Variants in CTNND2 observed in about 807,000 individuals in gnomAD.
The protein encoded by CTNND2 is catenin delta-2.
A neutral mutation model predicts 144.4 loss-of-function variants in CTNND2; 22 were observed. The observed-to-expected ratio is 0.15, with a 90% CI of 0.11 to 0.22. The LOEUF is 0.22. CTNND2 is among the 10% of genes least tolerant of loss of function. The pLI is 1.00. For missense variants in CTNND2, 1,353 were observed against 1,618.8 expected, an observed-to-expected ratio of 0.84 and a Z score of 2.82; for synonymous variants, 751 against 695.6, an observed-to-expected ratio of 1.08 and a Z score of -1.25.
intron 12 of CTNND2, among the ~76,000 whole-genome samples, chr5:11,158,785 T>G (rs1050053333): frequency 5.3e-5 from 8 of 152,192 alleles, no homozygotes; most frequent in African/African-American, 1.9e-4. Flanking sequence ...AAATATAGAT[T>G]ATTTGGCTAG....
intron 3 of CTNND2, among the ~76,000 whole-genome samples, chr5:11,521,319 C>T (rs990945985): frequency 1.3e-5 from 2 of 152,282 alleles, no homozygotes; most frequent in South Asian, 4.1e-4. Flanking sequence ...TCTAACTGAG[C>T]CTTCTTTATT....
At chr5:11,369,913 T>C (rs1757312619) in intron 7 of CTNND2, among the ~76,000 whole-genome samples, 1 of 152,042 alleles carries the variant, frequency 6.6e-6, no homozygotes, top group Non-Finnish European at 1.5e-5. Context: ...ACACGAAGGG[T>C]CCCTCCGGGA....
At chr5:11,892,170 C>A (rs868835883) in intron 1 of CTNND2, among the ~76,000 whole-genome samples, 2 of 152,154 alleles carry the variant, frequency 1.3e-5, no homozygotes, top group African/African-American at 4.8e-5. Context: ...CTTAGCTTGT[C>A]GATGATGGTG....
intron 2 of CTNND2, among the ~76,000 whole-genome samples, chr5:11,690,146 G>A (rs1442710914): frequency 6.6e-6 from 1 of 152,172 alleles, no homozygotes; most frequent in Non-Finnish European, 1.5e-5. Context: ...AAAGAAAATT[G>A]CACTGTGATG....
At chr5:11,885,639 C>CA (rs1356072777) in intron 1 of CTNND2, among the ~76,000 whole-genome samples, 1 of 152,080 alleles carries the variant, frequency 6.6e-6, no homozygotes, top group Non-Finnish European at 1.5e-5. Flanking sequence ...ATTCAACAAA[C>CA]AAACACTGGA....
rs1736002908 is a variant in CTNND2, at chr5:10,973,077, C to A, written c.*376G>T. ...TAAACAAAGCGTGAGAAGCCGTCCC[C>A]CACACAGTGTGTAAACTATTCTGTG... On this transcript the variant is annotated 3_prime_UTR_variant, in exon 22 of 22. Transcript: ENST00000304623. The surrounding 1 kb of genome is among the most constrained non-coding windows in gnomAD (Gnocchi z 5.6). 5.9e-6 allele frequency: 1 copy of A among 168,164 alleles called. No homozygotes were observed. The highest frequency in any genetic ancestry group is 1.3e-5 in the Non-Finnish European group (1 of 78,828). The allele number at this position is 168,164 out of a possible 1,614,324, so 10.4% of individuals were successfully genotyped here.
chr5:11,891,707 T>A (rs555906503), intron 1 of CTNND2, among the ~76,000 whole-genome samples: 1 of 152,302 alleles, frequency 6.6e-6, no homozygotes, highest in Admixed American at 6.5e-5. Context: ...TCTGCCAGCA[T>A]CTTCATTTTA....
intron 16 of CTNND2, among the ~76,000 whole-genome samples, chr5:11,036,577 A>C (rs1744095040): frequency 6.6e-6 from 1 of 152,066 alleles, no homozygotes; most frequent in Admixed American, 6.6e-5. Context: ...CCCACCACCA[A>C]GCCTGGCTAA....
chr5:11,247,233 C>T (rs1743095185), intron 9 of CTNND2, among the ~76,000 whole-genome samples: 1 of 152,286 alleles, frequency 6.6e-6, no homozygotes, highest in African/African-American at 2.4e-5. Context: ...GATGGTGGCT[C>T]AGCCCCAGCA....
intron 1 of CTNND2, among the ~76,000 whole-genome samples, chr5:11,894,429 T>C (rs781073502): frequency 6.6e-6 from 1 of 152,222 alleles, no homozygotes; most frequent in Non-Finnish European, 1.5e-5. Flanking sequence ...CTTTAGGCAA[T>C]AGCCAATAGC....
chr5:11,528,079 C>T (rs575239240), intron 3 of CTNND2, among the ~76,000 whole-genome samples: 4 of 152,184 alleles, frequency 2.6e-5, no homozygotes, highest in Admixed American at 6.5e-5. Flanking sequence ...TTTAAAAGCT[C>T]GCGGGGGACT....
At chr5:11,526,402 A>G (rs868687311) in intron 3 of CTNND2, among the ~76,000 whole-genome samples, 8 of 152,302 alleles carry the variant, frequency 5.3e-5, no homozygotes, top group African/African-American at 1.7e-4. Context: ...TTTTGCTTCA[A>G]GTCGCAGTTT....
intron 18 of CTNND2, among the ~76,000 whole-genome samples, chr5:11,013,522 G>A (rs890162836): frequency 1.3e-5 from 2 of 152,164 alleles, no homozygotes; most frequent in South Asian, 2.1e-4. Context: ...AGATAAAGAT[G>A]GCTAGCTTCA....
intron 2 of CTNND2, among the ~76,000 whole-genome samples, chr5:11,720,190 C>T (rs78981507): frequency 4.6e-5 from 7 of 152,034 alleles, no homozygotes; most frequent in Non-Finnish European, 8.8e-5. Flanking sequence ...CATTTGCTGG[C>T]ATCTTTGAGA....
chr5:11,447,714 C>T lies in CTNND2; in HGVS notation c.288-35645G>A, dbSNP rs549621258. 8.7e-4 allele frequency among the ~76,000 whole-genome samples: 133 copies of T among 152,206 alleles called. 1 individual carries two copies. The highest frequency in any genetic ancestry group is 2.9e-3 in the African/African-American group (121 of 41,548). On this transcript the variant is annotated intron_variant, in intron 3 of 21. Transcript: ENST00000304623. ...GGATGGGGGCTGTGTACACAAGGCACGTGGCTACTGTCCACCCAGACAGAA... is the reference window on the plus strand; with the variant it reads ...GGATGGGGGCTGTGTACACAAGGCATGTGGCTACTGTCCACCCAGACAGAA...
intron 15 of CTNND2, among the ~76,000 whole-genome samples, chr5:11,097,282 C>T (rs1751446471): frequency 6.6e-6 from 1 of 152,186 alleles, no homozygotes; most frequent in Non-Finnish European, 1.5e-5. Context: ...CTCTTTCCTG[C>T]TCCTGTAAGA....
intron 11 of CTNND2, among the ~76,000 whole-genome samples, chr5:11,189,636 T>C (rs756811488): frequency 6.6e-6 from 1 of 152,372 alleles, no homozygotes; most frequent in Middle Eastern, 3.4e-3. Context: ...ATTGACTTTT[T>C]ATGTTACTGG....
At chr5:11,632,041 T>G (rs1317072048) in intron 2 of CTNND2, among the ~76,000 whole-genome samples, 1 of 152,174 alleles carries the variant, frequency 6.6e-6, no homozygotes, top group Non-Finnish European at 1.5e-5. Context: ...AGTGTTTGTT[T>G]AAAACAATGA....
chr5:11,191,870 C>T lies in CTNND2; in HGVS notation c.1975+7578G>A, dbSNP rs530949364. ...ATTTGTCCCCATGAGTGGCAGCTGG[C>T]TCTGGCTTCCCCTGCTTCACATCCT... is the stretch of plus-strand genomic sequence containing the variant. On this transcript the variant is annotated intron_variant, in intron 11 of 21. Coordinates refer to ENST00000304623, the MANE Select transcript of CTNND2 (RefSeq NM_001332.4). Among the ~76,000 whole-genome samples the T allele has an allele frequency of 3.0e-3, 454 of 152,300 alleles. 3 individuals carry two copies. The highest frequency in any genetic ancestry group is 5.6e-3 in the Non-Finnish European group (380 of 68,008).
Sources: gnomAD v4.1 joint callset for allele counts (sites outside exome capture counted in the v4.1 genomes callset) on GRCh38, gnomAD v4.1.1 for gene constraint, Gnocchi (gnomAD v3.1) non-coding constraint, MANE v1.5 for transcripts, NCBI Gene and HGNC (gene_info 2026-07-23, HGNC 2026-07-21) for gene names.